The following TMEM63A variants were observed in gnomAD, a reference collection of about 807,000 sequenced individuals.
The protein encoded by TMEM63A is mechanosensitive cation channel TMEM63A.
Under a neutral mutation model 100.6 loss-of-function variants are expected in TMEM63A, and 76 were observed. The ratio of observed to expected loss-of-function variants is 0.76; its 90% CI spans 0.63 to 0.91. The LOEUF is 0.91. TMEM63A is among the 40% of genes least tolerant of loss of function. The pLI, the probability that TMEM63A is intolerant of heterozygous loss-of-function variation, is 0.00. For missense variants in TMEM63A, 876 were observed against 1,008.8 expected (o/e 0.87, Z 1.78); for synonymous variants, 401 against 401.1 (o/e 1.00, Z 0.00).
chr1:225,870,823 GCTC>G (rs1403077222), intron 6 of TMEM63A, among the ~76,000 whole-genome samples: 2 of 152,182 alleles, frequency 1.3e-5, no homozygotes, highest in African/African-American at 4.8e-5. Flanking sequence ...GAAGCCCCAG[GCTC>G]CAGCAGGCAC....
rs1232356906 is a variant in TMEM63A, at chr1:225,871,987, C to A, written c.333G>T (p.Leu111=). The A allele has an allele frequency of 1.2e-6, 2 of 1,612,336 alleles. No homozygotes were observed. The highest frequency in any genetic ancestry group is 1.3e-5 in the African/African-American group (1 of 74,814). Residue 111 remains leucine, a splice_region_variant and synonymous_variant, in exon 5 of 25, where the codon CTG becomes CTT. Transcript: ENST00000366835. ...SSGQQDFENE[L]GCCPWLTAIF... ...CCACAACTGGGCCTTAGATACCAACCAGCTCATTTTCAAAGTCTTGTTGAC... is the reference window on the plus strand; with the variant it reads ...CCACAACTGGGCCTTAGATACCAACAAGCTCATTTTCAAAGTCTTGTTGAC...
At chr1:225,874,564 G>A (rs980996944) in intron 3 of TMEM63A, among the ~76,000 whole-genome samples, 197 bp from the exon 4 acceptor site, 2 of 152,214 alleles carry the variant, frequency 1.3e-5, no homozygotes, top group Non-Finnish European at 2.9e-5. Flanking sequence ...CCTTCACCAG[G>A]CTCCTGTCAC....
chr1:225,853,599 A>G lies in TMEM63A; in HGVS notation c.1797+30T>C. ...GAAGGGGGACATGGGAGGGAGTCAG[A>G]GGCACAGCCCTGGGCCCAGGGGATG... On this transcript the variant is annotated intron_variant, in intron 19 of 24. Transcript: ENST00000366835. The surrounding 1 kb of genome is among the most constrained non-coding windows in gnomAD (Gnocchi z 4.0). 1.3e-6 allele frequency: 2 copies of G among 1,512,504 alleles called. No homozygotes were observed. The highest frequency in any genetic ancestry group is 1.8e-6 in the Non-Finnish European group (2 of 1,125,178). The allele number at this position is 1,512,504 out of a possible 1,614,324, so 93.7% of individuals were successfully genotyped here. A position where few individuals can be genotyped will look rare whatever the true frequency, so the allele number is the denominator to read the frequency against.
chr1:225,873,066 CTT>C (rs1256602935), intron 4 of TMEM63A, among the ~76,000 whole-genome samples: 2 of 152,140 alleles, frequency 1.3e-5, no homozygotes, highest in Non-Finnish European at 2.9e-5. Context: ...CATGACGAAA[CTT>C]AACTTTAAAA....
intron 20 of TMEM63A, 106 bp from the exon 21 acceptor site, chr1:225,850,185 C>A (rs1418279978): frequency 1.5e-6 from 2 of 1,350,532 alleles, no homozygotes; most frequent in Non-Finnish European, 2.1e-6. Context: ...AGGGCTGGGG[C>A]TGCTGCTCTA....
intron 23 of TMEM63A, 99 bp from the exon 24 acceptor site, chr1:225,847,312 C>A: frequency 7.0e-7 from 1 of 1,420,478 alleles, no homozygotes; most frequent in Non-Finnish European, 9.5e-7. Flanking sequence ...CAGACAGTGG[C>A]CATAAAGGAC....
chr1:225,844,919 G>C (rs1426899940), downstream of TMEM63A, among the ~76,000 whole-genome samples: 1 of 152,154 alleles, frequency 6.6e-6, no homozygotes, highest in Non-Finnish European at 1.5e-5. Flanking sequence ...ACCCTCAAAG[G>C]TGGGGATTTA....
At chr1:225,845,366 C>T (rs751821162), downstream of TMEM63A, 4 of 1,538,206 alleles carry the variant, frequency 2.6e-6, no homozygotes, top group Admixed American at 5.8e-5. Flanking sequence ...TCTCCCCCCG[C>T]CTGCCACCTC....
intron 15 of TMEM63A, among the ~76,000 whole-genome samples, chr1:225,857,381 G>GGGGGGGGGTGGGC (rs1553489774): frequency 7.9e-4 from 1 of 1,266 alleles, no homozygotes; most frequent in African/African-American, 1.1e-3. Context: ...CTGGCCGGCG[G>GGGGGGGGGTGGGC]GGCGGGGGGG....
At position 225,877,370 on chromosome 1, in the gene TMEM63A, G is replaced by A. The variant is rs1018358245; in HGVS notation, c.186+25C>T. ...ATTTAAACAAATAACTGAGGCAGTGGGACACGACTCATGAGGGCTCTCACC... is the reference window on the plus strand; with the variant it reads ...ATTTAAACAAATAACTGAGGCAGTGAGACACGACTCATGAGGGCTCTCACC... On this transcript the variant is annotated intron_variant, in intron 3 of 24. Transcript: ENST00000366835. 4 of 1,594,140 alleles carry A rather than the reference G, an allele frequency of 2.5e-6. No homozygotes were observed. In the African/African-American group the frequency reaches 5.4e-5, roughly 21 times the overall value.
Position 225,845,633 on chromosome 1 carries a change from C to T in TMEM63A, c.*1306G>A, listed in dbSNP as rs544679593. Reference sequence around the variant, plus strand: ...GGCCCCCTGTGCAAGCAGAGCTGGCCGGCCCCTCCTTGCTGGCAGAGGCAC... The same window carrying T: ...GGCCCCCTGTGCAAGCAGAGCTGGCTGGCCCCTCCTTGCTGGCAGAGGCAC... On this transcript the variant is annotated 3_prime_UTR_variant, in exon 25 of 25. Transcript: ENST00000366835. 9.2e-5 allele frequency: 47 copies of T among 512,602 alleles called. No homozygotes were observed. Among genetic ancestry groups the T allele is most frequent in the Admixed American group, 3.2e-4 (10 of 30,870 alleles). 31.8% of individuals were successfully genotyped at this position (512,602 alleles called of 1,614,324 possible).
intron 18 of TMEM63A, among the ~76,000 whole-genome samples, chr1:225,855,075 C>T (rs1432273496): frequency 6.6e-6 from 1 of 152,176 alleles, no homozygotes; most frequent in Non-Finnish European, 1.5e-5. Flanking sequence ...GTCATCAGCT[C>T]CCAACTCATC....
At chr1:225,847,362 C>T (rs1218915627) in intron 23 of TMEM63A, 149 bp from the exon 24 acceptor site, 9 of 940,312 alleles carry the variant, frequency 9.6e-6, no homozygotes, top group Admixed American at 8.9e-5. Context: ...ACATTAAGAC[C>T]GAAAATATGA....
chr1:225,875,687 C>T (rs535894949), intron 3 of TMEM63A, among the ~76,000 whole-genome samples: 1 of 152,262 alleles, frequency 6.6e-6, no homozygotes, highest in Admixed American at 6.5e-5. Flanking sequence ...GCAGTGCAGA[C>T]ACTTCCCACA....
Position 225,866,644 on chromosome 1 carries a change from A to G in TMEM63A, c.605T>C (p.Ile202Thr), listed in dbSNP as rs115137646. Reference sequence around the variant, plus strand: ...GAAACCCACAGTGAGGAAGAGGTAAATGACAGCAAAGATGGTGTGCAGCCA... The same window carrying G: ...GAAACCCACAGTGAGGAAGAGGTAAGTGACAGCAAAGATGGTGTGCAGCCA... ...LLWLHTIFAV[I>T]YLFLTVGFMR... Residue 202 changes from isoleucine to threonine, a missense_variant, in exon 9 of 25, where the codon ATT (isoleucine) becomes ACT (threonine). Around this residue, in one of 5 missense-constraint regions of TMEM63A, gnomAD observed 487 missense variants for 581.9 expected, o/e 0.84. Transcript: ENST00000366835. The G allele has an allele frequency of 5.3e-4, 848 of 1,614,136 alleles. No homozygotes were observed. Among genetic ancestry groups the G allele is most frequent in the Non-Finnish European group, 6.9e-4 (812 of 1,179,990 alleles).
In TMEM63A at chr1:225,860,956, T is replaced by C. The variant is rs1669905040; in HGVS notation, c.1127A>G (p.Gln376Arg). The change falls in exon 14 of 25, where the codon CAG becomes CGG. Residue 376 changes from glutamine (Q) to arginine (R), a missense_variant. By Grantham distance (43) the Gln-to-Arg change is conservative. Around this residue, in one of 5 missense-constraint regions of TMEM63A, gnomAD observed 487 missense variants for 581.9 expected, o/e 0.84. Coordinates refer to ENST00000366835, the MANE Select transcript of TMEM63A (RefSeq NM_014698.3). Reference protein sequence around the residue: ...DFNACKCQSLQCKGEPQPSSH... With the variant: ...DFNACKCQSLRCKGEPQPSSH... ...GGACGGCTGGGGCTCACCTTTGCAC[T>C]GAAGGCTCTGACACTTGCAGGCATT... 1.2e-6 allele frequency: 2 copies of C among 1,612,492 alleles called. 1 individual carries two copies. The highest frequency in any genetic ancestry group is 2.7e-5 in the African/African-American group (2 of 74,958).
At chr1:225,842,448 A>G (rs1434888815), downstream of TMEM63A, 1 of 1,613,666 alleles carries the variant, frequency 6.2e-7, no homozygotes, top group Non-Finnish European at 8.5e-7. Context: ...CGGAATTCCG[A>G]TACCTGGAGG....
chr1:225,867,815 C>T lies in TMEM63A; in HGVS notation c.514+73G>A. 2 of 1,590,066 alleles carry T rather than the reference C, an allele frequency of 1.3e-6. No homozygotes were observed. The highest frequency in any genetic ancestry group is 3.4e-5 in the Admixed American group (2 of 59,012). On this transcript the variant is annotated intron_variant, in intron 7 of 24. Coordinates refer to ENST00000366835, the MANE Select transcript of TMEM63A (RefSeq NM_014698.3). This position sits in a 1 kb window ranked among gnomAD's most constrained non-coding sequence, Gnocchi z 4.6. Reference sequence around the variant, plus strand: ...CATGACTCCTGGGGTTCTGGTCTACCACAGTGAGCCCTTTCCCTAGGACTG... The same window carrying T: ...CATGACTCCTGGGGTTCTGGTCTACTACAGTGAGCCCTTTCCCTAGGACTG...
Position 225,849,955 on chromosome 1 carries a change from G to A in TMEM63A, c.2028C>T (p.Ile676=). The A allele has an allele frequency of 6.2e-7, 1 of 1,614,244 alleles. No individual in the cohort carries two copies. Among genetic ancestry groups the A allele is most frequent in the Non-Finnish European group, 8.5e-7 (1 of 1,180,046 alleles). Residue 676 remains isoleucine (I), a synonymous_variant, in exon 21 of 25, where the codon ATC becomes ATT. Transcript: ENST00000366835. ...AGAAGTAGAGCCAGAAGAGGCACAG[G>A]ATGGGGGCTGCCAAGGCCTGGTTCA... ...AAVNQALAAP[I]LCLFWLYFFS... is the part of the protein sequence containing the mutation.
Sources: allele counts gnomAD v4.1 joint callset (sites outside exome capture counted in the v4.1 genomes callset), GRCh38; gene constraint gnomAD v4.1.1; regional missense constraint gnomAD v4.1.1; non-coding constraint Gnocchi (gnomAD v3.1); transcripts MANE v1.5; gene names NCBI Gene and HGNC (gene_info 2026-07-23, HGNC 2026-07-21).